The following FGF11 variants were observed in gnomAD, a reference collection of about 807,000 sequenced individuals.
The protein encoded by FGF11 is fibroblast growth factor 11.
Under a neutral mutation model 25.1 loss-of-function variants are expected in FGF11, and 25 were observed. The observed-to-expected ratio is 1.00, with a 90% CI of 0.73 to 1.39. The LOEUF is 1.39. FGF11 is among the 40% of genes most tolerant of loss of function. The pLI is 0.00. For missense variants in FGF11, 320 were observed against 311.0 expected, an observed-to-expected ratio of 1.03 and a Z score of -0.22; for synonymous variants, 130 against 128.9, an observed-to-expected ratio of 1.01 and a Z score of -0.06.
Position 7,444,782 on chromosome 17 carries a change from C to T in FGF11, c.*1636C>T. ...TAAGGCTCCAAGGCAGGTCACTTTT[C>T]CTTAGGCTGTTCTACTTCTGGCTTG... On this transcript the variant is annotated 3_prime_UTR_variant, in exon 5 of 5. Coordinates refer to ENST00000293829, the MANE Select transcript of FGF11 (RefSeq NM_004112.4). 2.3e-6 allele frequency: 1 copy of T among 431,828 alleles called. No homozygotes were observed. 26.7% of individuals were successfully genotyped at this position (431,828 alleles called of 1,614,324 possible).
Position 7,443,214 on chromosome 17 carries a change from C to A in FGF11, c.*68C>A. 2 of 988,352 alleles carry A rather than the reference C, an allele frequency of 2.0e-6. No homozygotes were observed. The highest frequency in any genetic ancestry group is 2.4e-5 in the East Asian group (1 of 41,384). The allele number at this position is 988,352 out of a possible 1,614,324, so 61.2% of individuals were successfully genotyped here. On this transcript the variant is annotated 3_prime_UTR_variant, in exon 5 of 5. Transcript: ENST00000293829. ...CCAGCCACCACCACAACCTGTCTCCCAGTCCTGCTCTCACCCCTGCTGCCA... is the reference window on the plus strand; with the variant it reads ...CCAGCCACCACCACAACCTGTCTCCAAGTCCTGCTCTCACCCCTGCTGCCA...
At position 7,441,838 on chromosome 17, in the gene FGF11, C is replaced by T; in HGVS notation, c.367C>T (p.His123Tyr). 6.2e-7 allele frequency: 1 copy of T among 1,612,672 alleles called. No individual in the cohort carries two copies. Among genetic ancestry groups the T allele is most frequent in the Non-Finnish European group, 8.5e-7 (1 of 1,179,312 alleles). ...VVTIQSAKLG[H>Y]YMAMNAEGLL... is the part of the protein sequence containing the mutation. ...CACCATCCAGAGCGCCAAGCTGGGT[C>T]ACTACATGGCCATGAATGCTGAGGG... Residue 123 changes from histidine to tyrosine, a missense_variant, in exon 3 of 5, where the codon CAC becomes TAC. Coordinates refer to ENST00000293829, the MANE Select transcript of FGF11 (RefSeq NM_004112.4).
At chr17:7,442,179 C>T in intron 3 of FGF11, 1 of 381,764 alleles carries the variant, frequency 2.6e-6, no homozygotes, top group African/African-American at 2.0e-5. Flanking sequence ...TACTCACTTC[C>T]CTAGAGTCAT....
rs1162601599 is a variant in FGF11, at chr17:7,440,909, C to CAG, written c.194-560_194-559dup. 3.1e-6 allele frequency: 3 copies of CAG among 970,054 alleles called. No individual in the cohort carries two copies. The highest frequency in any genetic ancestry group is 3.7e-6 in the Non-Finnish European group (3 of 814,670). The allele number at this position is 970,054 out of a possible 1,614,324, so 60.1% of individuals were successfully genotyped here. ...GGGCCCCCGGGAGCCAGCGGACTGA[C>CAG]AGACAGACAGACAGACAGACAGATG... is the stretch of plus-strand genomic sequence containing the variant. On this transcript the variant is annotated intron_variant, in intron 1 of 4. Coordinates refer to ENST00000293829, the MANE Select transcript of FGF11 (RefSeq NM_004112.4). The surrounding 1 kb of genome is among the most constrained non-coding windows in gnomAD (Gnocchi z 5.4).
At chr17:7,439,395 G>A (rs1908198138), upstream of FGF11, 3 of 447,242 alleles carry the variant, frequency 6.7e-6, no homozygotes, top group African/African-American at 4.2e-5. Context: ...GAGTACATAG[G>A]CTGCTGGATC....
rs892022521 is a variant in FGF11 at position 7,440,906 on chromosome 17, T to A, written c.194-565T>A. 79 of 988,222 alleles carry A rather than the reference T, an allele frequency of 8.0e-5. No homozygotes were observed. The highest frequency in any genetic ancestry group is 2.2e-4 in the East Asian group (2 of 8,902). 61.2% of individuals were successfully genotyped at this position (988,222 alleles called of 1,614,324 possible). ...ACTGGGCCCCCGGGAGCCAGCGGAC[T>A]GACAGACAGACAGACAGACAGACAG... On this transcript the variant is annotated intron_variant, in intron 1 of 4. Transcript: ENST00000293829. The surrounding 1 kb of genome is among the most constrained non-coding windows in gnomAD (Gnocchi z 5.4).
chr17:7,441,992 C>T (rs1908351639), intron 3 of FGF11, 113 bp downstream of exon 3: 2 of 784,572 alleles, frequency 2.5e-6, no homozygotes, highest in Non-Finnish European at 4.0e-6. Flanking sequence ...CGGGACTCCT[C>T]CCTCCAGCTT....
intron 4 of FGF11, 22 bp from the exon 5 acceptor site, chr17:7,443,054 C>G: frequency 2.5e-6 from 4 of 1,593,428 alleles, no homozygotes; most frequent in Non-Finnish European, 3.4e-6. Flanking sequence ...CTTCCCTGCT[C>G]CTCTCTTTCT....
chr17:7,441,342 A>G lies in FGF11; in HGVS notation c.194-129A>G, dbSNP rs1007117966. The G allele has an allele frequency of 6.2e-6, 8 of 1,294,004 alleles. No individual in the cohort carries two copies. In the Middle Eastern group the frequency reaches 5.9e-4, roughly 95 times the overall value. The allele number at this position is 1,294,004 out of a possible 1,614,324, so 80.2% of individuals were successfully genotyped here. A position where few individuals can be genotyped will look rare whatever the true frequency, so the allele number is the denominator to read the frequency against. ...GTGGGAGAGAGCGTGCTTGGAGGAT[A>G]AGAGAGCTGGGGCCCTGGGACCCTC... On this transcript the variant is annotated intron_variant, in intron 1 of 4. Coordinates refer to ENST00000293829, the MANE Select transcript of FGF11 (RefSeq NM_004112.4).
Position 7,440,986 on chromosome 17 carries a change from TAGCGGC to T in FGF11, c.194-481_194-476del. On this transcript the variant is annotated intron_variant, in intron 1 of 4. Coordinates refer to ENST00000293829, the MANE Select transcript of FGF11 (RefSeq NM_004112.4). The surrounding 1 kb of genome is among the most constrained non-coding windows in gnomAD (Gnocchi z 5.4). Reference sequence around the variant, plus strand: ...GGCCAAGGCAAGGCTCTCGCCAAGCTAGCGGCAGCCGCAGCAGGTGCTGAGTCAGCG... The same window carrying T: ...GGCCAAGGCAAGGCTCTCGCCAAGCTAGCCGCAGCAGGTGCTGAGTCAGCG... The T allele has an allele frequency of 1.0e-6, 1 of 1,002,276 alleles. No homozygotes were observed. The highest frequency in any genetic ancestry group is 1.2e-6 in the Non-Finnish European group (1 of 837,486). The allele number at this position is 1,002,276 out of a possible 1,614,324, so 62.1% of individuals were successfully genotyped here. A position where few individuals can be genotyped will look rare whatever the true frequency, so the allele number is the denominator to read the frequency against.
chr17:7,439,841 G>A, intron 1 of FGF11, 28 bp downstream of exon 1: 15 of 1,396,858 alleles, frequency 1.1e-5, no homozygotes, highest in Non-Finnish European at 1.2e-5. Context: ...GGGGTCTCCC[G>A]GCCAGAGGTT....
chr17:7,444,397 G>A lies in FGF11; in HGVS notation c.*1251G>A, dbSNP rs181708641. ...AAAGCTGAGGTCCTTAGAGTAATAT[G>A]TCCTTAATAAAAAGGACAAATGGAT... is the stretch of plus-strand genomic sequence containing the variant. On this transcript the variant is annotated 3_prime_UTR_variant, in exon 5 of 5. Coordinates refer to ENST00000293829, the MANE Select transcript of FGF11 (RefSeq NM_004112.4). 6.5e-6 allele frequency: 1 copy of A among 152,682 alleles called. No homozygotes were observed. Among genetic ancestry groups the A allele is most frequent in the Non-Finnish European group, 1.5e-5 (1 of 68,062 alleles). The allele number at this position is 152,682 out of a possible 1,614,324, so 9.5% of individuals were successfully genotyped here. A position where few individuals can be genotyped will look rare whatever the true frequency, so the allele number is the denominator to read the frequency against.
Position 7,443,388 on chromosome 17 carries a change from T to G in FGF11, c.*242T>G. ...GGGGATGTCTGAAGATGGTCCTGGC[T>G]GATCACTTCTTTCTTTCCACACTCA... On this transcript the variant is annotated 3_prime_UTR_variant, in exon 5 of 5. Coordinates refer to ENST00000293829, the MANE Select transcript of FGF11 (RefSeq NM_004112.4). 2.1e-6 allele frequency: 1 copy of G among 466,310 alleles called. No individual in the cohort carries two copies. Among genetic ancestry groups the G allele is most frequent in the Non-Finnish European group, 3.8e-6 (1 of 263,874 alleles). The allele number at this position is 466,310 out of a possible 1,614,324, so 28.9% of individuals were successfully genotyped here.
In FGF11 at chr17:7,439,589, G is replaced by A; in HGVS notation, c.-32G>A. 1 of 1,383,242 alleles carries A rather than the reference G, an allele frequency of 7.2e-7. No individual in the cohort carries two copies. The highest frequency in any genetic ancestry group is 1.5e-5 in the African/African-American group (1 of 65,346). The allele number at this position is 1,383,242 out of a possible 1,614,324, so 85.7% of individuals were successfully genotyped here. A position where few individuals can be genotyped will look rare whatever the true frequency, so the allele number is the denominator to read the frequency against. On this transcript the variant is annotated 5_prime_UTR_variant, in exon 1 of 5. Coordinates refer to ENST00000293829, the MANE Select transcript of FGF11 (RefSeq NM_004112.4). ...GGAGCCCAGCGCGCTCCGGGCGCCT[G>A]CCGGTTTGGGGGTGTCTCCTCCCGG...
Position 7,442,540 on chromosome 17 carries a change from G to A in FGF11, c.409-54G>A, listed in dbSNP as rs183119548. Reference sequence around the variant, plus strand: ...CATGAGCTCCTTTCTGCCCAGTGATGTGTCTTTTTATCTCTCTGTCTTTGT... The same window carrying A: ...CATGAGCTCCTTTCTGCCCAGTGATATGTCTTTTTATCTCTCTGTCTTTGT... On this transcript the variant is annotated intron_variant, in intron 3 of 4. Coordinates refer to ENST00000293829, the MANE Select transcript of FGF11 (RefSeq NM_004112.4). The A allele has an allele frequency of 3.1e-6, 5 of 1,610,870 alleles. No homozygotes were observed. In the Admixed American group the frequency reaches 8.3e-5, roughly 27 times the overall value.
chr17:7,442,857 G>T, intron 4 of FGF11, 65 bp downstream of exon 4: 1 of 1,496,188 alleles, frequency 6.7e-7, no homozygotes, highest in South Asian at 1.1e-5. Context: ...TGGACATTTA[G>T]GGGCAGACAG....
chr17:7,441,259 C>A, intron 1 of FGF11: 1 of 588,346 alleles, frequency 1.7e-6, no homozygotes, highest in Non-Finnish European at 2.9e-6. Context: ...ACACTGAAAG[C>A]TCCTGGTTAT....
intron 3 of FGF11, 94 bp from the exon 4 acceptor site, chr17:7,442,500 A>AGTTAC (rs1908374097): frequency 6.3e-7 from 1 of 1,585,296 alleles, no homozygotes. Context: ...TCCCCCAAAA[A>AGTTAC]GGATTTGTGC....
chr17:7,441,565 G>A lies in FGF11; in HGVS notation c.288G>A (p.Glu96=). The change falls in exon 2 of 5, where the codon GAG becomes GAA. Residue 96 remains glutamate, a synonymous_variant. Coordinates refer to ENST00000293829, the MANE Select transcript of FGF11 (RefSeq NM_004112.4). ...ACGGAAGCATCCAGGGCACCCCAGA[G>A]GATACCAGCTCCTTCAGTGAGAGGG... ...NPDGSIQGTP[E]DTSSFTHFNL... is the part of the protein sequence containing the mutation. The A allele has an allele frequency of 6.2e-7, 1 of 1,614,216 alleles. No homozygotes were observed. The highest frequency in any genetic ancestry group is 1.7e-5 in the Admixed American group (1 of 60,026).
Sources: gnomAD v4.1 joint callset for allele counts on GRCh38, gnomAD v4.1.1 for gene constraint, Gnocchi (gnomAD v3.1) non-coding constraint, MANE v1.5 for transcripts, NCBI Gene and HGNC (gene_info 2026-07-23, HGNC 2026-07-21) for gene names.